Variants in CHCHD6 observed in about 807,000 individuals in gnomAD.
The protein encoded by CHCHD6 is coiled-coil-helix-coiled-coil-helix domain containing 6.
A neutral mutation model predicts 32.3 loss-of-function variants in CHCHD6; 28 were observed. The observed-to-expected ratio is 0.87, with a 90% confidence interval of 0.64 to 1.19. The LOEUF is 1.19. Among genes scored for constraint, CHCHD6 ranks in the 50% most tolerant of loss-of-function variants. The probability of loss-of-function intolerance (pLI) is 0.00; values close to 1 mark genes in which losing one functional copy is unlikely to be tolerated. For missense variants in CHCHD6, 333 were observed against 307.0 expected (o/e 1.08, Z -0.63); for synonymous variants, 122 against 117.5 (o/e 1.04, Z -0.25).
intron 5 of CHCHD6, among the ~76,000 whole-genome samples, chr3:126,911,092 G>A (rs915494523): frequency 3.9e-5 from 6 of 152,196 alleles, no homozygotes; most frequent in Non-Finnish European, 7.3e-5. Flanking sequence ...CTCAGTTCAG[G>A]TATTGGCTCC....
chr3:126,855,491 A>C (rs1941633196), intron 5 of CHCHD6, among the ~76,000 whole-genome samples: 1 of 152,132 alleles, frequency 6.6e-6, no homozygotes, highest in Admixed American at 6.5e-5. Flanking sequence ...GTTTCATGTC[A>C]CAGTGCTTCA....
intron 4 of CHCHD6, among the ~76,000 whole-genome samples, chr3:126,811,090 T>C (rs1276978916): frequency 3.9e-5 from 6 of 152,176 alleles, no homozygotes; most frequent in Admixed American, 3.9e-4. Context: ...ACCAAAAATA[T>C]TGGGGAAAAG....
At chr3:126,903,870 A>G (rs1249084042) in intron 5 of CHCHD6, among the ~76,000 whole-genome samples, 1 of 151,988 alleles carries the variant, frequency 6.6e-6, no homozygotes, top group Non-Finnish European at 1.5e-5. Context: ...GAAGCTCTCT[A>G]CCTTCCTTTC....
rs753787908 is a variant in CHCHD6 at position 126,957,533 on chromosome 3, C to T, written c.684C>T (p.Cys228=). The change falls in exon 7 of 8, where the codon TGC becomes TGT. Residue 228 remains cysteine (C), a synonymous_variant. Coordinates refer to ENST00000290913, the MANE Select transcript of CHCHD6 (RefSeq NM_032343.3). ...CSDLVKAYQR[C]VSAAHKG is the part of the protein sequence containing the mutation. ...ACCTGGTCAAGGCATACCAGCGCTG[C>T]GTGAGCGCCGCCCACAAGGTAAGGC... 21 of 1,573,588 alleles carry T rather than the reference C, an allele frequency of 1.3e-5. No homozygotes were observed. Among genetic ancestry groups the T allele is most frequent in the East Asian group, 2.4e-5 (1 of 42,182 alleles).
At chr3:126,714,414 TGGTGAGCAGCCGGTGC>T (rs1188535199) in intron 1 of CHCHD6, among the ~76,000 whole-genome samples, 1 of 152,156 alleles carries the variant, frequency 6.6e-6, no homozygotes, top group Non-Finnish European at 1.5e-5. Flanking sequence ...TTGACATCTG[TGGTGAGCAGCCGGTGC>T]ATCTAATTTC....
intron 4 of CHCHD6, among the ~76,000 whole-genome samples, chr3:126,772,124 T>G (rs1484780700): frequency 1.3e-5 from 2 of 152,144 alleles, no homozygotes; most frequent in Non-Finnish European, 2.9e-5. Flanking sequence ...TTTTTTGAGA[T>G]AGAGTCTTGC....
rs773862250 is a variant in CHCHD6, at chr3:126,761,387, T to C, written c.411+28165T>C. Among the ~76,000 whole-genome samples the C allele has an allele frequency of 4.4e-4, 67 of 152,202 alleles. 1 individual carries two copies. Among genetic ancestry groups the C allele is most frequent in the Middle Eastern group, 3.2e-3 (1 of 316 alleles). On this transcript the variant is annotated intron_variant, in intron 4 of 7. Transcript: ENST00000290913. Reference sequence around the variant, plus strand: ...TTTCCTCTTCAAAGGACACCAATTATATGACATTTAGGGCCCACCATAATA... The same window carrying C: ...TTTCCTCTTCAAAGGACACCAATTACATGACATTTAGGGCCCACCATAATA...
At chr3:126,719,067 C>T (rs944357304) in intron 1 of CHCHD6, among the ~76,000 whole-genome samples, 10 of 152,182 alleles carry the variant, frequency 6.6e-5, no homozygotes, top group Admixed American at 3.3e-4. Flanking sequence ...GCAGAACCCC[C>T]GCAGTGACCT....
At chr3:126,893,231 G>A (rs2077790548) in intron 5 of CHCHD6, among the ~76,000 whole-genome samples, 1 of 152,114 alleles carries the variant, frequency 6.6e-6, no homozygotes, top group African/African-American at 2.4e-5. Flanking sequence ...CAAAGTGCTG[G>A]GATTACAGGC....
At chr3:126,707,823 C>T (rs1225582558) in intron 1 of CHCHD6, among the ~76,000 whole-genome samples, 2 of 152,226 alleles carry the variant, frequency 1.3e-5, no homozygotes, top group South Asian at 2.1e-4. Flanking sequence ...CCAGAGAGGC[C>T]GTGTGCCAGA....
intron 4 of CHCHD6, among the ~76,000 whole-genome samples, chr3:126,841,189 C>A (rs986012616): frequency 6.6e-6 from 1 of 152,102 alleles, no homozygotes; most frequent in African/African-American, 2.4e-5. Flanking sequence ...ATGATGATTT[C>A]CAATTTCATC....
At chr3:126,780,484 T>C (rs554634262) in intron 4 of CHCHD6, 2 of 250,306 alleles carry the variant, frequency 8.0e-6, no homozygotes, top group African/African-American at 4.6e-5. Flanking sequence ...CTGATGCATA[T>C]ACAAAATAGT....
intron 4 of CHCHD6, 136 bp from the exon 5 acceptor site, chr3:126,852,511 A>G: frequency 1.6e-6 from 1 of 639,922 alleles, no homozygotes; most frequent in Non-Finnish European, 2.9e-6. Context: ...GATCTGGCAT[A>G]TCATAAGGTT....
chr3:126,704,977 C>T (rs1013685371), intron 1 of CHCHD6, among the ~76,000 whole-genome samples: 1 of 152,176 alleles, frequency 6.6e-6, no homozygotes, highest in South Asian at 2.1e-4. Context: ...GACTGCATCC[C>T]TCTGGGACTG....
intron 4 of CHCHD6, among the ~76,000 whole-genome samples, chr3:126,822,005 TG>T (rs1393741267): frequency 6.6e-6 from 1 of 152,242 alleles, no homozygotes; most frequent in Non-Finnish European, 1.5e-5. Flanking sequence ...ACTCATTCTA[TG>T]GGGTAACTTT....
At chr3:126,730,920 G>A (rs889886461) in intron 3 of CHCHD6, among the ~76,000 whole-genome samples, 2 of 151,814 alleles carry the variant, frequency 1.3e-5, no homozygotes, top group African/African-American at 4.8e-5. Flanking sequence ...ACCAGCCTGG[G>A]CAACATAGCA....
intron 5 of CHCHD6, among the ~76,000 whole-genome samples, chr3:126,867,897 A>G (rs1313650316): frequency 6.6e-6 from 1 of 152,078 alleles, no homozygotes; most frequent in Non-Finnish European, 1.5e-5. Flanking sequence ...TTTCAGGCAG[A>G]CTCTATCTAG....
chr3:126,855,436 C>G (rs368547101), intron 5 of CHCHD6, among the ~76,000 whole-genome samples: 1 of 152,320 alleles, frequency 6.6e-6, no homozygotes, highest in African/African-American at 2.4e-5. Flanking sequence ...GGGCGCCTGG[C>G]AAGTGCTGGC....
chr3:126,756,047 G>A (rs763164227), intron 4 of CHCHD6, among the ~76,000 whole-genome samples: 4 of 152,128 alleles, frequency 2.6e-5, no homozygotes, highest in African/African-American at 4.8e-5. Context: ...TGCAGGGCTC[G>A]GAGAGAATCC....
Sources: gnomAD v4.1 joint callset for allele counts (sites outside exome capture counted in the v4.1 genomes callset) on GRCh38, gnomAD v4.1.1 for gene constraint, MANE v1.5 for transcripts, NCBI Gene and HGNC (gene_info 2026-07-23, HGNC 2026-07-21) for gene names.